The following SGCZ variants were observed in gnomAD, a reference collection of about 807,000 sequenced individuals.
SGCZ encodes zeta-sarcoglycan.
SGCZ carries 40 observed loss-of-function variants against 41.3 expected under a neutral mutation model. The ratio of observed to expected loss-of-function variants is 0.97; its 90% CI spans 0.75 to 1.26. SGCZ has a LOEUF of 1.26. Among genes scored for constraint, SGCZ ranks in the 50% most tolerant of loss-of-function variants. The pLI, the probability that SGCZ is intolerant of heterozygous loss-of-function variation, is 0.00. For missense variants in SGCZ, 552 were observed against 369.8 expected (o/e 1.49, Z -4.04); for synonymous variants, 206 against 137.5 (o/e 1.50, Z -3.49).
intron 2 of SGCZ, among the ~76,000 whole-genome samples, chr8:14,397,387 A>G (rs1798948965): frequency 6.6e-6 from 1 of 152,086 alleles, no homozygotes; most frequent in South Asian, 2.1e-4. Context: ...ATAGGTATTC[A>G]CCATTTAATA....
intron 1 of SGCZ, among the ~76,000 whole-genome samples, chr8:14,794,727 G>C (rs946486539): frequency 6.6e-6 from 1 of 152,132 alleles, no homozygotes; most frequent in Non-Finnish European, 1.5e-5. Context: ...CTCACGAAAA[G>C]ACATAGCATT....
At chr8:15,184,157 G>T (rs1350256279) in intron 1 of SGCZ, among the ~76,000 whole-genome samples, 1 of 152,028 alleles carries the variant, frequency 6.6e-6, no homozygotes, top group African/African-American at 2.4e-5. Context: ...TCCTTAATAT[G>T]CTTGCTCATA....
chr8:14,665,666 A>C (rs1458215693), intron 1 of SGCZ, among the ~76,000 whole-genome samples: 1 of 152,166 alleles, frequency 6.6e-6, no homozygotes, highest in Non-Finnish European at 1.5e-5. Flanking sequence ...TGCTCAAAGC[A>C]TCTTGGAGCT....
chr8:14,729,711 T>G (rs1810169490), intron 1 of SGCZ, among the ~76,000 whole-genome samples: 2 of 152,186 alleles, frequency 1.3e-5, no homozygotes, highest in Admixed American at 6.5e-5. Flanking sequence ...CTCTAGAAAT[T>G]TATTATGGCA....
chr8:14,729,532 G>C (rs568209415), intron 1 of SGCZ, among the ~76,000 whole-genome samples: 1 of 152,302 alleles, frequency 6.6e-6, no homozygotes, highest in East Asian at 1.9e-4. Flanking sequence ...AATGTGCAGA[G>C]AATAGGCCAT....
chr8:14,895,400 T>C (rs1384482037), intron 1 of SGCZ, among the ~76,000 whole-genome samples: 2 of 152,114 alleles, frequency 1.3e-5, no homozygotes, highest in Non-Finnish European at 2.9e-5. Context: ...CCAATGCACA[T>C]CTGTGTGTGT....
At position 15,237,564 on chromosome 8, in the gene SGCZ, C is replaced by T. The variant is rs200196016; in HGVS notation, c.39+21G>A. On this transcript the variant is annotated intron_variant, in intron 1 of 7. Transcript: ENST00000382080. ...GGAGCGCCGAGAAGCGGCCGCGAAG[C>T]CCGCCCGGACCCGCACGTACCTTGA... 5.7e-4 allele frequency: 901 copies of T among 1,585,070 alleles called. 7 individuals are homozygous for T. In the African/African-American group the frequency reaches 8.6e-3, roughly 15 times the overall value.
intron 1 of SGCZ, among the ~76,000 whole-genome samples, chr8:15,095,912 C>T (rs1806329548): frequency 6.6e-6 from 1 of 152,090 alleles, no homozygotes; most frequent in African/African-American, 2.4e-5. Flanking sequence ...AGGATCAAGC[C>T]TTTTCAAGAA....
Position 14,631,615 on chromosome 8 carries a change from A to G in SGCZ, c.40-76689T>C, listed in dbSNP as rs145873564. ...AAGACACTTCTGATATCTAATAAGT[A>G]TGTCTCCCACCCACCTCCTTGCTGG... On this transcript the variant is annotated intron_variant, in intron 1 of 7. Coordinates refer to ENST00000382080, the MANE Select transcript of SGCZ (RefSeq NM_139167.4). 8.8e-3 allele frequency among the ~76,000 whole-genome samples: 1,342 copies of G among 152,250 alleles called. 19 individuals carry two copies. The highest frequency in any genetic ancestry group is 0.031 in the African/African-American group (1,272 of 41,556).
At chr8:14,867,068 A>C (rs777857801) in intron 1 of SGCZ, among the ~76,000 whole-genome samples, 3 of 152,042 alleles carry the variant, frequency 2.0e-5, no homozygotes, top group Non-Finnish European at 4.4e-5. Context: ...CCTGTTTCCC[A>C]ATGTCTAGGT....
In SGCZ at chr8:15,038,107, C is replaced by A. The variant is rs901551071; in HGVS notation, c.39+199478G>T. Among the ~76,000 whole-genome samples the A allele has an allele frequency of 6.0e-5, 9 of 151,244 alleles. No homozygotes were observed. The East Asian group carries it at 1.8e-3, about 29-fold the overall frequency. ...TTTAAACAGAAATATAAAAAAAAAT[C>A]TAAAATTTATATGGAATCACAAAAG... On this transcript the variant is annotated intron_variant, in intron 1 of 7. Coordinates refer to ENST00000382080, the MANE Select transcript of SGCZ (RefSeq NM_139167.4).
chr8:14,756,880 GGTAA>G (rs1287494854), intron 1 of SGCZ, among the ~76,000 whole-genome samples: 8 of 152,058 alleles, frequency 5.3e-5, no homozygotes, highest in Admixed American at 2.6e-4. Context: ...GTATCACAGT[GGTAA>G]GTATCACACT....
In SGCZ at chr8:14,489,313, G is replaced by A. The variant is rs533661038; in HGVS notation, c.234+65419C>T. Among the ~76,000 whole-genome samples, 12 of 151,880 alleles carry A rather than the reference G, an allele frequency of 7.9e-5. No individual in the cohort carries two copies. The East Asian group carries it at 1.9e-3, about 25-fold the overall frequency. On this transcript the variant is annotated intron_variant, in intron 2 of 7. Transcript: ENST00000382080. Reference sequence around the variant, plus strand: ...TCTACAATTTGGCATATTTCTTTCGGTGGCCACAAAATTATAAAATGGACA... The same window carrying A: ...TCTACAATTTGGCATATTTCTTTCGATGGCCACAAAATTATAAAATGGACA...
At chr8:14,864,427 A>G (rs1585329177) in intron 1 of SGCZ, among the ~76,000 whole-genome samples, 2 of 152,178 alleles carry the variant, frequency 1.3e-5, no homozygotes, top group South Asian at 2.1e-4. Context: ...AATTTAGTCA[A>G]CTACGATGAA....
chr8:14,473,208 CTCTT>C (rs1406439655), intron 2 of SGCZ, among the ~76,000 whole-genome samples: 2 of 152,060 alleles, frequency 1.3e-5, no homozygotes, highest in Non-Finnish European at 2.9e-5. Context: ...ATGAAGTACT[CTCTT>C]TATGTATTAG....
At chr8:15,051,515 T>C (rs1804513191) in intron 1 of SGCZ, among the ~76,000 whole-genome samples, 1 of 152,174 alleles carries the variant, frequency 6.6e-6, no homozygotes, top group Non-Finnish European at 1.5e-5. Context: ...TATATTTTCC[T>C]TGAGTACATA....
intron 1 of SGCZ, among the ~76,000 whole-genome samples, chr8:15,159,053 C>G (rs771893342): frequency 4.6e-5 from 7 of 152,130 alleles, no homozygotes; most frequent in Non-Finnish European, 8.8e-5. Flanking sequence ...AGCTGGTCAC[C>G]TGAAAGACCA....
intron 2 of SGCZ, among the ~76,000 whole-genome samples, chr8:14,551,015 AT>A (rs1347015911): frequency 6.6e-6 from 1 of 151,822 alleles, no homozygotes; most frequent in Non-Finnish European, 1.5e-5. Flanking sequence ...AATTGCTTCA[AT>A]TATTACCCAG....
intron 1 of SGCZ, among the ~76,000 whole-genome samples, chr8:15,233,610 T>C (rs1264724213): frequency 6.6e-6 from 1 of 152,048 alleles, no homozygotes; most frequent in Non-Finnish European, 1.5e-5. Flanking sequence ...GTTGATTCAA[T>C]TAAGCAGAGA....
Sources: gnomAD v4.1 joint callset for allele counts (sites outside exome capture counted in the v4.1 genomes callset) on GRCh38, gnomAD v4.1.1 for gene constraint, MANE v1.5 for transcripts, NCBI Gene and HGNC (gene_info 2026-07-23, HGNC 2026-07-21) for gene names.